The following ZNF407 variants were observed in gnomAD, a reference collection of about 807,000 sequenced individuals.
ZNF407 encodes zinc finger protein 407.
A neutral mutation model predicts 131.2 loss-of-function variants in ZNF407; 17 were observed. That is an observed-to-expected ratio of 0.13 (90% CI 0.09 to 0.19). The LOEUF is 0.19. Ranked by LOEUF, ZNF407 falls within the 10% of genes least tolerant of loss-of-function variation. The probability of loss-of-function intolerance (pLI) is 1.00; values close to 1 mark genes in which losing one functional copy is unlikely to be tolerated. For synonymous variants in ZNF407, 1,156 were observed against 1,062.0 expected (o/e 1.09, Z -1.72); for missense variants, 2,681 against 2,830.6 (o/e 0.95, Z 1.20).
chr18:74,782,869 C>G (rs1321317581), intron 4 of ZNF407, among the ~76,000 whole-genome samples: 5 of 152,080 alleles, frequency 3.3e-5, no homozygotes, highest in Admixed American at 3.3e-4. Flanking sequence ...TCCCAAAGTG[C>G]TGGGATTACA....
chr18:74,840,674 C>T (rs1045031502), intron 4 of ZNF407, among the ~76,000 whole-genome samples: 1 of 152,148 alleles, frequency 6.6e-6, no homozygotes, highest in Non-Finnish European at 1.5e-5. Context: ...CCACCACACC[C>T]GGCTGTAGAC....
chr18:74,692,594 G>C (rs1325284775), intron 3 of ZNF407, among the ~76,000 whole-genome samples: 1 of 152,084 alleles, frequency 6.6e-6, no homozygotes, highest in Non-Finnish European at 1.5e-5. Context: ...CCTCAGCCTC[G>C]TGTCTTTGTT....
intron 8 of ZNF407, among the ~76,000 whole-genome samples, chr18:75,031,100 TGC>T (rs1973234740): frequency 1.9e-4 from 29 of 152,330 alleles, no homozygotes; most frequent in South Asian, 1.4e-3. Context: ...TTCACTCACC[TGC>T]AAGACCTCAC....
chr18:75,032,271 A>G (rs1973250246), intron 8 of ZNF407, among the ~76,000 whole-genome samples: 1 of 152,176 alleles, frequency 6.6e-6, no homozygotes, highest in Admixed American at 6.5e-5. Flanking sequence ...TGCTTAGATA[A>G]CACAGTTGCT....
At chr18:74,752,521 G>C (rs1020567591) in intron 3 of ZNF407, among the ~76,000 whole-genome samples, 1 of 152,190 alleles carries the variant, frequency 6.6e-6, no homozygotes, top group East Asian at 1.9e-4. Flanking sequence ...TAACATTTAA[G>C]TCTTTAATCC....
In ZNF407 at chr18:74,631,219, A is replaced by T. The variant is rs777559778; in HGVS notation, c.200A>T (p.Asp67Val). ...SNSDSVVIGE[D>V]RNKHASKRRK... ...TCTGATAGTGTTGTTATAGGAGAAGACAGAAATAAACATGCTTCCAAACGC... is the reference window on the plus strand; with the variant it reads ...TCTGATAGTGTTGTTATAGGAGAAGTCAGAAATAAACATGCTTCCAAACGC... Residue 67 changes from aspartate to valine, a missense_variant, in exon 2 of 9, where the codon GAC (aspartate) becomes GTC (valine). Asp to Val is a radical substitution (Grantham distance 152, BLOSUM62 -3). Coordinates refer to ENST00000299687, the MANE Select transcript of ZNF407 (RefSeq NM_017757.3). The T allele has an allele frequency of 1.9e-6, 3 of 1,614,008 alleles. No homozygotes were observed. Among genetic ancestry groups the T allele is most frequent in the Admixed American group, 1.7e-5 (1 of 60,022 alleles).
chr18:74,786,933 A>G (rs11150942), intron 4 of ZNF407, among the ~76,000 whole-genome samples: 142,558 of 150,998 alleles, frequency 0.94, 67,798 homozygotes, highest in East Asian at 1. Context: ...AGGTTACTGA[A>G]TAATTGGGAT....
chr18:74,883,527 G>A (rs1971266848), intron 6 of ZNF407, among the ~76,000 whole-genome samples: 2 of 152,160 alleles, frequency 1.3e-5, no homozygotes, highest in African/African-American at 4.8e-5. Context: ...AGACTGTCCA[G>A]GGGGCTGACA....
intron 8 of ZNF407, among the ~76,000 whole-genome samples, chr18:74,988,685 A>G (rs1032501138): frequency 6.6e-6 from 1 of 152,140 alleles, no homozygotes; most frequent in African/African-American, 2.4e-5. Flanking sequence ...AAATAGCAGA[A>G]GACAATGTGC....
intron 4 of ZNF407, among the ~76,000 whole-genome samples, chr18:74,817,979 T>A (rs528146725): frequency 1.3e-5 from 2 of 152,366 alleles, no homozygotes; most frequent in South Asian, 4.1e-4. Context: ...TGGATTTCAA[T>A]TCGGCACTTT....
chr18:74,866,925 A>T (rs992660670), intron 4 of ZNF407, among the ~76,000 whole-genome samples: 1 of 144,436 alleles, frequency 6.9e-6, no homozygotes, highest in Non-Finnish European at 1.5e-5. Context: ...AGGCTGGAGG[A>T]TCCCTAGAGC....
At chr18:74,619,758 G>T (rs898713679) in intron 1 of ZNF407, among the ~76,000 whole-genome samples, 23 of 152,152 alleles carry the variant, frequency 1.5e-4, no homozygotes, top group African/African-American at 5.6e-4. Flanking sequence ...ATAGGAAGAA[G>T]AATTTATACA....
intron 4 of ZNF407, among the ~76,000 whole-genome samples, chr18:74,849,413 C>T (rs1011908709): frequency 6.6e-6 from 1 of 152,032 alleles, no homozygotes. Flanking sequence ...TTTTTCATCT[C>T]TTAAAAGGTA....
intron 8 of ZNF407, among the ~76,000 whole-genome samples, chr18:75,026,687 G>A (rs984883340): frequency 8.5e-5 from 13 of 152,154 alleles, no homozygotes; most frequent in Admixed American, 8.5e-4. Flanking sequence ...TGCTACTGTT[G>A]TTTCCAAATA....
chr18:74,961,151 C>A (rs1027293302), intron 8 of ZNF407, among the ~76,000 whole-genome samples: 5 of 152,164 alleles, frequency 3.3e-5, no homozygotes, highest in Non-Finnish European at 4.4e-5. Flanking sequence ...AGTTTATAGC[C>A]TCTTTTTGTA....
intron 8 of ZNF407, among the ~76,000 whole-genome samples, chr18:75,059,915 G>C (rs1266260664): frequency 6.6e-6 from 1 of 152,206 alleles, no homozygotes; most frequent in Non-Finnish European, 1.5e-5. Flanking sequence ...AAGGCACCAG[G>C]CGGGGATGGA....
At chr18:74,964,645 C>A (rs1477050411) in intron 8 of ZNF407, among the ~76,000 whole-genome samples, 1 of 84,358 alleles carries the variant, frequency 1.2e-5, no homozygotes, top group Non-Finnish European at 2.4e-5. Flanking sequence ...AAATTGTTGT[C>A]TTTTTTCTTT....
At chr18:74,986,841 TC>T (rs1323269839) in intron 8 of ZNF407, among the ~76,000 whole-genome samples, 1 of 152,216 alleles carries the variant, frequency 6.6e-6, no homozygotes, top group Non-Finnish European at 1.5e-5. Context: ...TGTTTATTCT[TC>T]TATTTTTTCT....
At chr18:74,656,614 G>T (rs1303591751) in intron 3 of ZNF407, among the ~76,000 whole-genome samples, 1 of 152,068 alleles carries the variant, frequency 6.6e-6, no homozygotes, top group Non-Finnish European at 1.5e-5. Flanking sequence ...ACCTGGCCAG[G>T]CTAAGAACAT....
Sources: gnomAD v4.1 joint callset for allele counts (sites outside exome capture counted in the v4.1 genomes callset) on GRCh38, gnomAD v4.1.1 for gene constraint, MANE v1.5 for transcripts, NCBI Gene and HGNC (gene_info 2026-07-23, HGNC 2026-07-21) for gene names.